The following GON4L variants were observed in gnomAD, a reference collection of about 807,000 sequenced individuals.
The protein encoded by GON4L is GON-4-like protein.
Under a neutral mutation model 211.8 loss-of-function variants are expected in GON4L, and 87 were observed. The observed-to-expected ratio is 0.41, with a 90% CI of 0.35 to 0.49. GON4L has a LOEUF of 0.49. GON4L is among the 20% of genes least tolerant of loss of function. GON4L has a pLI of 0.15. For synonymous variants in GON4L, 875 were observed against 962.6 expected, an observed-to-expected ratio of 0.91 and a Z score of 1.68; for missense variants, 2,155 against 2,659.5, an observed-to-expected ratio of 0.81 and a Z score of 4.17.
intron 10 of GON4L, among the ~76,000 whole-genome samples, chr1:155,810,121 G>A (rs1010199117): frequency 4.7e-5 from 7 of 150,184 alleles, no homozygotes; most frequent in East Asian, 1.9e-4. Context: ...GCAGCCTCCC[G>A]AGTAGCTGGG....
downstream of GON4L, among the ~76,000 whole-genome samples, chr1:155,745,478 T>A (rs769522696): frequency 5.3e-5 from 8 of 152,256 alleles, no homozygotes; most frequent in Non-Finnish European, 1.2e-4. Flanking sequence ...GAGAGATCTG[T>A]AAGAAGAGAT....
At chr1:155,771,309 AT>A (rs1663168074) in intron 18 of GON4L, 92 bp from the exon 19 acceptor site, 7 of 1,566,386 alleles carry the variant, frequency 4.5e-6, no homozygotes, top group Non-Finnish European at 6.1e-6. Context: ...CTACTCTTTC[AT>A]TTTTTTCTTG....
intron 2 of GON4L, among the ~76,000 whole-genome samples, chr1:155,851,551 A>G (rs1232480903): frequency 6.6e-6 from 1 of 151,586 alleles, no homozygotes; most frequent in African/African-American, 2.4e-5. Context: ...CCCCATCTCC[A>G]CTAAAAATAC....
At chr1:155,842,395 G>A (rs1276743314) in intron 2 of GON4L, among the ~76,000 whole-genome samples, 1 of 151,608 alleles carries the variant, frequency 6.6e-6, no homozygotes, top group Non-Finnish European at 1.5e-5. Context: ...ATGGTGGCAG[G>A]CACCTGTAGT....
chr1:155,810,987 C>A (rs1667710843), intron 10 of GON4L, among the ~76,000 whole-genome samples: 1 of 151,902 alleles, frequency 6.6e-6, no homozygotes, highest in Non-Finnish European at 1.5e-5. Flanking sequence ...CCACCGAACT[C>A]CAGCCTGCGT....
intron 10 of GON4L, among the ~76,000 whole-genome samples, chr1:155,805,686 T>C (rs569391509): frequency 6.6e-6 from 1 of 152,008 alleles, no homozygotes; most frequent in East Asian, 1.9e-4. Context: ...GTAATATCTA[T>C]CAATACTTTT....
intron 1 of GON4L, 49 bp from the exon 2 acceptor site, chr1:155,853,855 A>G: frequency 9.1e-7 from 1 of 1,101,298 alleles, no homozygotes; most frequent in Middle Eastern, 2.1e-4. Flanking sequence ...TAAAAGTAAT[A>G]ACATTTACTC....
chr1:155,777,607 C>A lies in GON4L; in HGVS notation c.2091+15G>T, dbSNP rs1379357321. ...AAAAAAAATCCAATGTTAACATGACCAAGAAAAGTCCTACCTGCTGCATCT... is the reference window on the plus strand; with the variant it reads ...AAAAAAAATCCAATGTTAACATGACAAAGAAAAGTCCTACCTGCTGCATCT... On this transcript the variant is annotated intron_variant, in intron 15 of 31. Coordinates refer to ENST00000368331, the MANE Select transcript of GON4L (RefSeq NM_001282860.2). 3 of 1,600,228 alleles carry A rather than the reference C, an allele frequency of 1.9e-6. No individual in the cohort carries two copies. The highest frequency in any genetic ancestry group is 3.3e-5 in the Admixed American group (2 of 59,932).
chr1:155,750,528 T>A lies in GON4L; in HGVS notation c.*56A>T. ...GTACAAGCAGAGTACAACTACCCCC[T>A]CCCCGGTGCCAGGGCGCCTGTTGGG... On this transcript the variant is annotated 3_prime_UTR_variant, in exon 32 of 32. Coordinates refer to ENST00000368331, the MANE Select transcript of GON4L (RefSeq NM_001282860.2). 6.6e-7 allele frequency: 1 copy of A among 1,524,910 alleles called. No individual in the cohort carries two copies. Among genetic ancestry groups the A allele is most frequent in the African/African-American group, 1.4e-5 (1 of 73,214 alleles). 94.5% of individuals were successfully genotyped at this position (1,524,910 alleles called of 1,614,324 possible).
In GON4L at chr1:155,767,414, G is replaced by A; in HGVS notation, c.2763+11C>T. On this transcript the variant is annotated intron_variant, in intron 20 of 31. Coordinates refer to ENST00000368331, the MANE Select transcript of GON4L (RefSeq NM_001282860.2). ...TCTGCCTCCTACAGACTTCGAGGAA[G>A]AGGGCTGTACCTTTAACCAGAATGG... 1 of 1,613,860 alleles carries A rather than the reference G, an allele frequency of 6.2e-7. No individual in the cohort carries two copies. Among genetic ancestry groups the A allele is most frequent in the South Asian group, 1.1e-5 (1 of 91,068 alleles).
At chr1:155,804,534 T>C (rs1371798319) in intron 11 of GON4L, among the ~76,000 whole-genome samples, 1 of 151,972 alleles carries the variant, frequency 6.6e-6, no homozygotes, top group African/African-American at 2.4e-5. Context: ...CCTATAATTC[T>C]AGCATTCAGG....
intron 12 of GON4L, among the ~76,000 whole-genome samples, chr1:155,793,502 A>G (rs1665797054): frequency 6.6e-6 from 1 of 152,250 alleles, no homozygotes; most frequent in Non-Finnish European, 1.5e-5. Context: ...GCATACATGC[A>G]ATAAAAATCA....
In GON4L at chr1:155,815,734, G is replaced by C; in HGVS notation, c.1161+71C>G. The C allele has an allele frequency of 1.0e-5, 9 of 877,078 alleles. No homozygotes were observed. In the South Asian group the frequency reaches 1.2e-4, roughly 12 times the overall value. 54.3% of individuals were successfully genotyped at this position (877,078 alleles called of 1,614,324 possible). On this transcript the variant is annotated intron_variant, in intron 8 of 31. Coordinates refer to ENST00000368331, the MANE Select transcript of GON4L (RefSeq NM_001282860.2). ...AACCATGTCTCAATCCTCTCTACAAGTGACATTACTAAGGAAGCAAAGTAT... is the reference window on the plus strand; with the variant it reads ...AACCATGTCTCAATCCTCTCTACAACTGACATTACTAAGGAAGCAAAGTAT...
In GON4L at chr1:155,760,648, G is replaced by A. The variant is rs765917095; in HGVS notation, c.4912-7C>T. On this transcript the variant is annotated splice_region_variant and splice_polypyrimidine_tract_variant and intron_variant, in intron 23 of 31. Coordinates refer to ENST00000368331, the MANE Select transcript of GON4L (RefSeq NM_001282860.2). Reference sequence around the variant, plus strand: ...GTTGTAGGGCTTCTCGCACCTACACGGGAAGACTTTCAATCATCAACACCC... The same window carrying A: ...GTTGTAGGGCTTCTCGCACCTACACAGGAAGACTTTCAATCATCAACACCC... The A allele has an allele frequency of 5.1e-5, 82 of 1,593,312 alleles. No individual in the cohort carries two copies. Among genetic ancestry groups the A allele is most frequent in the Middle Eastern group, 1.7e-4 (1 of 6,044 alleles).
downstream of GON4L, among the ~76,000 whole-genome samples, chr1:155,745,250 AAT>A (rs1660214511): frequency 1.3e-5 from 2 of 152,364 alleles, no homozygotes; most frequent in South Asian, 4.1e-4. Context: ...GACAGACGCC[AAT>A]ACTCTATTTA....
downstream of GON4L, chr1:155,748,207 G>A: frequency 7.0e-7 from 1 of 1,433,592 alleles, no homozygotes. Context: ...GTCTGTACTG[G>A]CTCTGTTCCT....
rs1349269162 is a variant in GON4L, at chr1:155,766,189, G to T, written c.3284C>A (p.Ala1095Asp). 1 of 1,614,112 alleles carries T rather than the reference G, an allele frequency of 6.2e-7. No individual in the cohort carries two copies. The highest frequency in any genetic ancestry group is 1.7e-5 in the Admixed American group (1 of 60,000). The change falls in exon 21 of 32, where the codon GCC (alanine) becomes GAC (aspartate). Residue 1095 changes from alanine (A) to aspartate (D), a missense_variant. Around this residue, in one of 6 missense-constraint regions of GON4L, gnomAD observed 615 missense variants for 625.7 expected, o/e 0.98. Transcript: ENST00000368331. ...GGGCAGCATTACCTTGGGCACAGGGGCAGAAGAGAGCAAAGTCTGGGACTC... is the reference window on the plus strand; with the variant it reads ...GGGCAGCATTACCTTGGGCACAGGGTCAGAAGAGAGCAAAGTCTGGGACTC... ...LSESQTLLSS[A>D]PVPKVMLPSL...
chr1:155,848,029 C>A (rs758055117), intron 2 of GON4L, among the ~76,000 whole-genome samples: 1 of 152,124 alleles, frequency 6.6e-6, no homozygotes, highest in African/African-American at 2.4e-5. Flanking sequence ...GAACTCCCTG[C>A]CCCTTTTCTA....
intron 2 of GON4L, among the ~76,000 whole-genome samples, chr1:155,839,900 T>C (rs1039768300): frequency 2.0e-5 from 3 of 152,222 alleles, no homozygotes; most frequent in African/African-American, 4.8e-5. Flanking sequence ...TTCTATAACT[T>C]GTTTCTTTTG....
Sources: allele counts gnomAD v4.1 joint callset (sites outside exome capture counted in the v4.1 genomes callset), GRCh38; gene constraint gnomAD v4.1.1; regional missense constraint gnomAD v4.1.1; transcripts MANE v1.5; gene names NCBI Gene and HGNC (gene_info 2026-07-23, HGNC 2026-07-21).